The following SYT16 variants were observed in gnomAD, a reference collection of about 807,000 sequenced individuals.
SYT16 encodes synaptotagmin 16, also known as synaptotagmin-16.
In SYT16, 42 loss-of-function variants were observed where a neutral mutation model predicts 61.4. The observed-to-expected ratio is 0.68, with a 90% CI of 0.53 to 0.89. The LOEUF is 0.89. SYT16 is among the 40% of genes least tolerant of loss of function. The pLI is 0.00. For missense variants in SYT16, 804 were observed against 807.3 expected, an observed-to-expected ratio of 1.00 and a Z score of 0.05; for synonymous variants, 314 against 302.3, an observed-to-expected ratio of 1.04 and a Z score of -0.40.
intron 1 of SYT16, among the ~76,000 whole-genome samples, chr14:61,962,664 C>T (rs1457550160): frequency 1.3e-5 from 2 of 152,120 alleles, no homozygotes; most frequent in Non-Finnish European, 2.9e-5. Flanking sequence ...GAGAGTGTCT[C>T]ATGAGTCTTG....
At chr14:61,945,816 A>G (rs1235364350) in intron 1 of SYT16, among the ~76,000 whole-genome samples, 41 of 129,528 alleles carry the variant, frequency 3.2e-4, no homozygotes, top group Non-Finnish European at 5.7e-4. Flanking sequence ...AGATCACGCC[A>G]CTGCACTCCA....
chr14:61,879,367 C>G (rs1289085425), intron 1 of SYT16, among the ~76,000 whole-genome samples: 1 of 152,168 alleles, frequency 6.6e-6, no homozygotes, highest in African/African-American at 2.4e-5. Context: ...GCCAAGGGTG[C>G]TTGTCATACT....
chr14:61,827,889 G>A (rs1489903650), intron 1 of SYT16, among the ~76,000 whole-genome samples: 2 of 151,956 alleles, frequency 1.3e-5, no homozygotes, highest in Non-Finnish European at 2.9e-5. Context: ...TTCTCTGATG[G>A]GCCAAATTGT....
chr14:62,097,690 G>C (rs9652287), intron 7 of SYT16, among the ~76,000 whole-genome samples: 1 of 152,102 alleles, frequency 6.6e-6, no homozygotes, highest in African/African-American at 2.4e-5. Context: ...ATTTCTCTGC[G>C]TTATACACAT....
intron 1 of SYT16, among the ~76,000 whole-genome samples, chr14:61,889,210 G>A (rs2048028924): frequency 6.6e-6 from 1 of 152,144 alleles, no homozygotes; most frequent in African/African-American, 2.4e-5. Context: ...AGCAGGGTAG[G>A]GGTCAGTGGA....
At chr14:61,878,122 C>G (rs192831485) in intron 1 of SYT16, among the ~76,000 whole-genome samples, 39 of 152,256 alleles carry the variant, frequency 2.6e-4, no homozygotes, top group African/African-American at 9.1e-4. Flanking sequence ...TTACAGTACG[C>G]AGAGGCAAAA....
intron 6 of SYT16, among the ~76,000 whole-genome samples, chr14:62,082,130 G>A (rs1264699685): frequency 3.3e-5 from 5 of 152,116 alleles, no homozygotes; most frequent in Non-Finnish European, 7.3e-5. Context: ...AGAGAGCGAG[G>A]CTGGTGCTGT....
At chr14:61,845,367 C>G (rs1188899222) in intron 1 of SYT16, among the ~76,000 whole-genome samples, 1 of 152,102 alleles carries the variant, frequency 6.6e-6, no homozygotes, top group East Asian at 1.9e-4. Context: ...TTTATTATGG[C>G]TTCAATCTTG....
chr14:61,941,306 A>G (rs937767536), intron 1 of SYT16, among the ~76,000 whole-genome samples: 1 of 152,198 alleles, frequency 6.6e-6, no homozygotes, highest in Non-Finnish European at 1.5e-5. Context: ...CCAAGGGCTC[A>G]GATTCACAGC....
chr14:61,924,441 C>T (rs1311462628), intron 1 of SYT16, among the ~76,000 whole-genome samples: 1 of 152,208 alleles, frequency 6.6e-6, no homozygotes, highest in African/African-American at 2.4e-5. Flanking sequence ...TTTGTAGCAG[C>T]AGCAGCAATT....
At chr14:61,835,250 ATTT>A (rs11378872) in intron 1 of SYT16, among the ~76,000 whole-genome samples, 3 of 110,806 alleles carry the variant, frequency 2.7e-5, no homozygotes, top group African/African-American at 1.1e-4. Flanking sequence ...TGAAAGGTGA[ATTT>A]TTTTTTTTTT....
intron 3 of SYT16, among the ~76,000 whole-genome samples, chr14:62,034,848 G>A (rs1458049361): frequency 6.6e-6 from 1 of 152,094 alleles, no homozygotes; most frequent in South Asian, 2.1e-4. Context: ...TTGGTGAATT[G>A]TTATGTGATT....
intron 1 of SYT16, among the ~76,000 whole-genome samples, chr14:61,902,391 G>C (rs542453622): frequency 6.6e-6 from 1 of 152,314 alleles, no homozygotes; most frequent in South Asian, 2.1e-4. Context: ...AGCATTTCCT[G>C]TGGAAAGCCT....
chr14:61,930,865 A>G (rs2049738929), intron 1 of SYT16, among the ~76,000 whole-genome samples: 1 of 152,140 alleles, frequency 6.6e-6, no homozygotes, highest in Non-Finnish European at 1.5e-5. Context: ...AATTTGAGCC[A>G]CTTGTAGAGG....
intron 1 of SYT16, among the ~76,000 whole-genome samples, chr14:61,947,909 T>C (rs1308544612): frequency 6.6e-6 from 1 of 152,162 alleles, no homozygotes; most frequent in Non-Finnish European, 1.5e-5. Flanking sequence ...ACTTTACCTG[T>C]GGAGAAAGTT....
In SYT16 at chr14:62,069,807, C is replaced by A; in HGVS notation, c.728C>A (p.Ala243Asp). The A allele has an allele frequency of 6.2e-7, 1 of 1,613,740 alleles. No homozygotes were observed. Among genetic ancestry groups the A allele is most frequent in the Non-Finnish European group, 8.5e-7 (1 of 1,179,882 alleles). Reference protein sequence around the residue: ...THGEDGTEVSACEDLDGASQR... With the variant: ...THGEDGTEVSDCEDLDGASQR... Reference sequence around the variant, plus strand: ...GGAGAAGATGGCACAGAAGTATCTGCCTGCGAAGGTATCCTTTGCCTCACA... The same window carrying A: ...GGAGAAGATGGCACAGAAGTATCTGACTGCGAAGGTATCCTTTGCCTCACA... The change falls in exon 4 of 8, where the codon GCC (alanine) becomes GAC (aspartate). Residue 243 changes from alanine to aspartate, a missense_variant. Physicochemically the swap from Ala to Asp is moderately radical, Grantham distance 126. Coordinates refer to ENST00000683842, the MANE Select transcript of SYT16 (RefSeq NM_001367656.1).
chr14:61,967,673 T>A (rs1283235790), intron 1 of SYT16, among the ~76,000 whole-genome samples: 1 of 152,182 alleles, frequency 6.6e-6, no homozygotes. Flanking sequence ...GCTACCCTAA[T>A]CTGGGATGAA....
rs1411311576 is a variant in SYT16 at position 62,069,807 on chromosome 14, C to T, written c.728C>T (p.Ala243Val). ...THGEDGTEVS[A>V]CEDLDGASQR... The stretch of plus-strand genomic sequence containing the variant: ...GGAGAAGATGGCACAGAAGTATCTG[C>T]CTGCGAAGGTATCCTTTGCCTCACA... Residue 243 changes from alanine to valine, a missense_variant, in exon 4 of 8, where the codon GCC becomes GTC. Ala to Val is a moderately conservative substitution (Grantham distance 64). Coordinates refer to ENST00000683842, the MANE Select transcript of SYT16 (RefSeq NM_001367656.1). 1 of 1,613,622 alleles carries T rather than the reference C, an allele frequency of 6.2e-7. No homozygotes were observed. The highest frequency in any genetic ancestry group is 1.3e-5 in the African/African-American group (1 of 74,926).
intron 1 of SYT16, among the ~76,000 whole-genome samples, chr14:61,857,815 C>T (rs1430276202): frequency 6.6e-6 from 1 of 152,034 alleles, no homozygotes; most frequent in Non-Finnish European, 1.5e-5. Context: ...GATGGGAACA[C>T]AAGCAATTCA....
Sources: gnomAD v4.1 joint callset for allele counts (sites outside exome capture counted in the v4.1 genomes callset) on GRCh38, gnomAD v4.1.1 for gene constraint, MANE v1.5 for transcripts, NCBI Gene and HGNC (gene_info 2026-07-23, HGNC 2026-07-21) for gene names.